RADIL: variants seen among roughly 807,000 people sequenced by gnomAD.
RADIL encodes the protein Rap associating with DIL domain, also known as ras-associating and dilute domain-containing protein.
Under a neutral mutation model 97.6 loss-of-function variants are expected in RADIL, and 99 were observed. That is an observed-to-expected ratio of 1.01 (90% CI 0.86 to 1.20). The LOEUF is 1.20. Ranked by LOEUF, RADIL falls within the 50% of genes most tolerant of loss-of-function variation. The pLI is 0.00. For synonymous variants in RADIL, 803 were observed against 691.8 expected (o/e 1.16, Z -2.52); for missense variants, 1,765 against 1,498.9 (o/e 1.18, Z -2.93).
rs374826162 is a variant in RADIL, at chr7:4,815,311, G to A, written c.2106C>T (p.Asn702=). The change falls in exon 9 of 15, where the codon AAC becomes AAT. Residue 702 remains asparagine (N), a synonymous_variant. Transcript: ENST00000399583. The surrounding 1 kb of genome is among the most constrained non-coding windows in gnomAD (Gnocchi z 8.0). ...GCTGGGCCCTGGGTGTGGCCAGCAG[G>A]TTGAGGGTGCAGGAGAGCTTCTGGA... is the stretch of plus-strand genomic sequence containing the variant. The part of the protein sequence containing the change: ...HFFQKLSCTL[N]LLATPRAQLI... 1.5e-4 allele frequency: 234 copies of A among 1,561,280 alleles called. 2 individuals are homozygous for A. Among genetic ancestry groups the A allele is most frequent in the Non-Finnish European group, 1.7e-4 (199 of 1,154,226 alleles).
rs762711381 is a variant in RADIL at position 4,801,955 on chromosome 7, G to A, written c.2540C>T (p.Pro847Leu). ...GTCCCTGGGAGCCAGGGGGCAGCTC[G>A]GGGCCTCCAGGTGCCCGTCAAGGAC... ...HVVLDGHLEAPSCPLAPRDPG... is the reference protein window; with the variant it reads ...HVVLDGHLEALSCPLAPRDPG... The change falls in exon 12 of 15, where the codon CCG becomes CTG. Residue 847 changes from proline to leucine, a missense_variant. Physicochemically the swap from Pro to Leu is moderately conservative, Grantham distance 98 (BLOSUM62 -3). Coordinates refer to ENST00000399583, the MANE Select transcript of RADIL (RefSeq NM_018059.5). 73 of 1,556,234 alleles carry A rather than the reference G, an allele frequency of 4.7e-5. No individual in the cohort carries two copies. The highest frequency in any genetic ancestry group is 1.6e-4 in the South Asian group (13 of 83,426).
At chr7:4,807,873 C>G (rs1415949769) in intron 9 of RADIL, among the ~76,000 whole-genome samples, 7 of 24,390 alleles carry the variant, frequency 2.9e-4, no homozygotes, top group African/African-American at 1.4e-3. Flanking sequence ...CTCTCTCCCC[C>G]CCATCTCTCT....
At chr7:4,800,427 G>T in intron 12 of RADIL, 117 bp from the exon 13 acceptor site, 2 of 1,116,836 alleles carry the variant, frequency 1.8e-6, no homozygotes, top group Non-Finnish European at 1.2e-6. Flanking sequence ...GCCTCCTGTG[G>T]CTCCCAGGAG....
At chr7:4,861,718 G>A (rs1784006057) in intron 2 of RADIL, 2 of 1,544,580 alleles carry the variant, frequency 1.3e-6, no homozygotes, top group Admixed American at 4.2e-5. Context: ...TCTCCTTGGG[G>A]ACCGCTAGAC....
In RADIL at chr7:4,867,460, A is replaced by G. The variant is rs1325989110; in HGVS notation, c.535+10145T>C. Among the ~76,000 whole-genome samples, 5 of 152,164 alleles carry G rather than the reference A, an allele frequency of 3.3e-5. No homozygotes were observed. Among genetic ancestry groups the G allele is most frequent in the African/African-American group, 4.8e-5 (2 of 41,440 alleles). On this transcript the variant is annotated intron_variant, in intron 2 of 14. Coordinates refer to ENST00000399583, the MANE Select transcript of RADIL (RefSeq NM_018059.5). The surrounding 1 kb of genome is among the most constrained non-coding windows in gnomAD (Gnocchi z 4.1). ...TGAATCAGTCAAAAGCAATGAGCTGACTAGAGCACCATGGGTAGGTGTCAA... is the reference window on the plus strand; with the variant it reads ...TGAATCAGTCAAAAGCAATGAGCTGGCTAGAGCACCATGGGTAGGTGTCAA...
chr7:4,861,244 A>T, intron 2 of RADIL: 3 of 1,614,112 alleles, frequency 1.9e-6, no homozygotes, highest in Non-Finnish European at 2.5e-6. Context: ...TTTTAAGTAG[A>T]CTGTCATCTC....
chr7:4,806,082 G>C (rs531192858), intron 9 of RADIL: 4 of 983,118 alleles, frequency 4.1e-6, no homozygotes, highest in Non-Finnish European at 4.8e-6. Context: ...CAATCAAGTC[G>C]GCTAAAAACC....
In RADIL at chr7:4,873,731, C is replaced by T. The variant is rs1365398801; in HGVS notation, c.535+3874G>A. On this transcript the variant is annotated intron_variant, in intron 2 of 14. Transcript: ENST00000399583. This position sits in a 1 kb window ranked among gnomAD's most constrained non-coding sequence, Gnocchi z 4.3. ...CTCTCAGGACAAACAGACACCACAG[C>T]AGCCCCATCGGTGCCCAGGGAGGCG... Among the ~76,000 whole-genome samples, 3 of 152,244 alleles carry T rather than the reference C, an allele frequency of 2.0e-5. No homozygotes were observed. The highest frequency in any genetic ancestry group is 4.4e-5 in the Non-Finnish European group (3 of 68,038).
At chr7:4,808,453 C>CAA (rs1562430056) in intron 9 of RADIL, 1 of 401,496 alleles carries the variant, frequency 2.5e-6, no homozygotes, top group East Asian at 1.6e-4. Context: ...CAGGGGTCAT[C>CAA]AAACTAGGGC....
chr7:4,838,471 C>T (rs959807922), intron 2 of RADIL, among the ~76,000 whole-genome samples: 1 of 152,096 alleles, frequency 6.6e-6, no homozygotes, highest in Non-Finnish European at 1.5e-5. Context: ...GCCACAAATG[C>T]GGCACGGGAT....
rs553459158 is a variant in RADIL at position 4,874,931 on chromosome 7, G to A, written c.535+2674C>T. 1.3e-3 allele frequency among the ~76,000 whole-genome samples: 193 copies of A among 152,020 alleles called. 3 individuals are homozygous for A. The highest frequency in any genetic ancestry group is 4.4e-3 in the African/African-American group (184 of 41,490). ...AAATTGGCCGGGCGCGGTGGCTCAC[G>A]CCTGTAATCCCAGCACTTTGGGAGG... On this transcript the variant is annotated intron_variant, in intron 2 of 14. Coordinates refer to ENST00000399583, the MANE Select transcript of RADIL (RefSeq NM_018059.5).
rs764078910 is a variant in RADIL, at chr7:4,879,037, G to A, written c.-64-834C>T. The stretch of plus-strand genomic sequence containing the variant: ...ATCTACCCCTCAGGGCAAGAGACCC[G>A]TCCTGGCTTGAAGGAGATACTCCCT... On this transcript the variant is annotated intron_variant, in intron 1 of 14. Transcript: ENST00000399583. The surrounding 1 kb of genome is among the most constrained non-coding windows in gnomAD (Gnocchi z 4.1). Among the ~76,000 whole-genome samples, 4 of 152,198 alleles carry A rather than the reference G, an allele frequency of 2.6e-5. No homozygotes were observed. Among genetic ancestry groups the A allele is most frequent in the Non-Finnish European group, 5.9e-5 (4 of 68,040 alleles).
At chr7:4,843,911 CAAAAAAAAAA>C (rs36122253) in intron 2 of RADIL, among the ~76,000 whole-genome samples, 7 of 97,718 alleles carry the variant, frequency 7.2e-5, no homozygotes, top group Admixed American at 1.2e-4. Flanking sequence ...GACTCCATTT[CAAAAAAAAAA>C]AAAAAAAAAA....
chr7:4,798,376 G>C lies in RADIL; in HGVS notation c.*1002C>G, dbSNP rs1012851635. 6.6e-6 allele frequency: 1 copy of C among 152,242 alleles called. No individual in the cohort carries two copies. The highest frequency in any genetic ancestry group is 1.5e-5 in the Non-Finnish European group (1 of 68,056). The allele number at this position is 152,242 out of a possible 1,614,324, so 9.4% of individuals were successfully genotyped here. Reference sequence around the variant, plus strand: ...CCCGCACAGACCTCTGTCCCAGTGAGAGGTGCATCTGCAACTGATGCCGGG... The same window carrying C: ...CCCGCACAGACCTCTGTCCCAGTGACAGGTGCATCTGCAACTGATGCCGGG... On this transcript the variant is annotated 3_prime_UTR_variant, in exon 15 of 15. Transcript: ENST00000399583.
chr7:4,811,581 G>A (rs536566776), intron 9 of RADIL, among the ~76,000 whole-genome samples: 8 of 147,600 alleles, frequency 5.4e-5, no homozygotes, highest in East Asian at 2.0e-4. Context: ...TCCGCCTCCC[G>A]GGTTCACGCC....
At chr7:4,800,055 C>T in intron 13 of RADIL, 116 bp downstream of exon 13, 1 of 1,411,580 alleles carries the variant, frequency 7.1e-7, no homozygotes, top group South Asian at 1.4e-5. Context: ...ACCCCACTCT[C>T]CTCCCCGAAG....
intron 2 of RADIL, among the ~76,000 whole-genome samples, chr7:4,851,797 T>C (rs1362701000): frequency 6.6e-6 from 1 of 152,196 alleles, no homozygotes; most frequent in African/African-American, 2.4e-5. Flanking sequence ...ATGCGCAGCC[T>C]TCCCAGATGA....
chr7:4,802,532 C>T lies in RADIL; in HGVS notation c.2500-537G>A, dbSNP rs1782133789. On this transcript the variant is annotated intron_variant, in intron 11 of 14. Transcript: ENST00000399583. Reference sequence around the variant, plus strand: ...ATGCTGGATGGACCCCCTCTCTGGGCACCTCAGGGAATGCTGGCTGGACCC... The same window carrying T: ...ATGCTGGATGGACCCCCTCTCTGGGTACCTCAGGGAATGCTGGCTGGACCC... Among the ~76,000 whole-genome samples, 3 of 134,068 alleles carry T rather than the reference C, an allele frequency of 2.2e-5. 1 individual carries two copies. The highest frequency in any genetic ancestry group is 9.4e-5 in the African/African-American group (3 of 31,832). The allele number at this position is 134,068 out of a possible 152,430, so 88.0% of individuals were successfully genotyped here. A position where few individuals can be genotyped will look rare whatever the true frequency, so the allele number is the denominator to read the frequency against.
chr7:4,799,340 C>G lies in RADIL; in HGVS notation c.*38G>C. On this transcript the variant is annotated 3_prime_UTR_variant, in exon 15 of 15. Coordinates refer to ENST00000399583, the MANE Select transcript of RADIL (RefSeq NM_018059.5). ...GGAAGCCCAGTGTCACCAGGTGGGA[C>G]CGGGTGCCGGGCCTGTGGGGGTGTC... is the stretch of plus-strand genomic sequence containing the variant. 1 of 1,599,862 alleles carries G rather than the reference C, an allele frequency of 6.3e-7. No homozygotes were observed. Among genetic ancestry groups the G allele is most frequent in the Non-Finnish European group, 8.6e-7 (1 of 1,168,218 alleles).
Sources: allele counts gnomAD v4.1 joint callset (sites outside exome capture counted in the v4.1 genomes callset), GRCh38; gene constraint gnomAD v4.1.1; non-coding constraint Gnocchi (gnomAD v3.1); transcripts MANE v1.5; gene names NCBI Gene and HGNC (gene_info 2026-07-23, HGNC 2026-07-21).